The following XXYLT1 variants were observed in gnomAD, a reference collection of about 807,000 sequenced individuals.
The protein encoded by XXYLT1 is UDP-xylose:alpha-xyloside alpha-1,3-xylosyltransferase.
XXYLT1 carries 20 observed loss-of-function variants against 28.9 expected under a neutral mutation model. That is an observed-to-expected ratio of 0.69 (90% CI 0.49 to 1.00). The LOEUF (loss-of-function observed/expected upper bound fraction) is 1.00, where lower values mean the gene tolerates loss of function less well. XXYLT1 is among the 50% of genes least tolerant of loss of function. The pLI, the probability that XXYLT1 is intolerant of heterozygous loss-of-function variation, is 0.00. For synonymous variants in XXYLT1, 257 were observed against 253.8 expected, an observed-to-expected ratio of 1.01 and a Z score of -0.12; for missense variants, 542 against 560.1, an observed-to-expected ratio of 0.97 and a Z score of 0.33.
chr3:195,109,909 G>T lies in XXYLT1; in HGVS notation c.786-39798C>A, dbSNP rs1386709086. Among the ~76,000 whole-genome samples the T allele has an allele frequency of 3.0e-4, 16 of 53,210 alleles. 2 individuals are homozygous for T. The East Asian group carries it at 3.8e-3, about 13-fold the overall frequency. The allele number at this position is 53,210 out of a possible 152,430, so 34.9% of individuals were successfully genotyped here. ...TGTGGGTGAGGTGTGGGTGTGTGTG[G>T]TGTGTGTGGGGGTATATGTGTGTGT... On this transcript the variant is annotated intron_variant, in intron 3 of 3. Transcript: ENST00000310380.
At position 195,069,790 on chromosome 3, in the gene XXYLT1, GA is replaced by G. The variant is rs1714690672; in HGVS notation, c.1106del (p.Phe369SerfsTer65). On this transcript the variant is annotated frameshift_variant, in exon 4 of 4. Coordinates refer to ENST00000310380, the MANE Select transcript of XXYLT1 (RefSeq NM_152531.5). LOFTEE classifies it high-confidence loss of function. ...WWRDHGYSDV[F>X]EAYFRCEGHV... ...GGCCCTCACACCTGAAATAGGCCTC[GA>G]AGACGTCACTGTAGCCATGGTCCCT... 9.9e-6 allele frequency: 16 copies of G among 1,614,048 alleles called. No individual in the cohort carries two copies. Among genetic ancestry groups the G allele is most frequent in the Non-Finnish European group, 1.4e-5 (16 of 1,180,040 alleles).
In XXYLT1 at chr3:195,176,452, C is replaced by A. The variant is rs748582482; in HGVS notation, c.653-19871G>T. ...CTTCTCCCCCATGATCTGAAAAGAACTGGTATGAAATGAGATGAGAAGCAG... is the reference window on the plus strand; with the variant it reads ...CTTCTCCCCCATGATCTGAAAAGAAATGGTATGAAATGAGATGAGAAGCAG... On this transcript the variant is annotated intron_variant, in intron 2 of 3. Coordinates refer to ENST00000310380, the MANE Select transcript of XXYLT1 (RefSeq NM_152531.5). This position sits in a 1 kb window ranked among gnomAD's most constrained non-coding sequence, Gnocchi z 4.9. Among the ~76,000 whole-genome samples, 50 of 152,312 alleles carry A rather than the reference C, an allele frequency of 3.3e-4. No homozygotes were observed. The highest frequency in any genetic ancestry group is 5.7e-4 in the Non-Finnish European group (39 of 68,026).
rs760229779 is a variant in XXYLT1 at position 195,110,715 on chromosome 3, G to GGTGT, written c.786-40608_786-40605dup. On this transcript the variant is annotated intron_variant, in intron 3 of 3. Coordinates refer to ENST00000310380, the MANE Select transcript of XXYLT1 (RefSeq NM_152531.5). Reference sequence around the variant, plus strand: ...ATGTGTGCATGTGTGTGGTGTGTGTGGTGTGTGTGTGTGTGCTGTATGTGT... The same window carrying GGTGT: ...ATGTGTGCATGTGTGTGGTGTGTGTGGTGTGTGTGTGTGTGTGTGCTGTATGTGT... Among the ~76,000 whole-genome samples, 12 of 140,812 alleles carry GGTGT rather than the reference G, an allele frequency of 8.5e-5. 4 individuals carry two copies. Among genetic ancestry groups the GGTGT allele is most frequent in the African/African-American group, 3.4e-4 (12 of 34,968 alleles). The allele number at this position is 140,812 out of a possible 152,430, so 92.4% of individuals were successfully genotyped here. A position where few individuals can be genotyped will look rare whatever the true frequency, so the allele number is the denominator to read the frequency against.
intron 1 of XXYLT1, among the ~76,000 whole-genome samples, chr3:195,269,097 G>A (rs189497032): frequency 5.2e-5 from 8 of 152,384 alleles, no homozygotes; most frequent in African/African-American, 1.9e-4. Context: ...AGCACTGGCT[G>A]TGCAGCTAGC....
Position 195,270,697 on chromosome 3 carries a change from G to A in XXYLT1, c.362C>T (p.Ala121Val), listed in dbSNP as rs376126877. 2 of 1,589,252 alleles carry A rather than the reference G, an allele frequency of 1.3e-6. No homozygotes were observed. Among genetic ancestry groups the A allele is most frequent in the Non-Finnish European group, 1.7e-6 (2 of 1,172,550 alleles). ...NAALQAKARV[A>V]LRSLLRLAKF... ...GGCGAGGCGCAGCAGTGAGCGCAGC[G>A]CGACGCGGGCCTTGGCCTGCAGCGC... The change falls in exon 1 of 4, where the codon GCG (alanine) becomes GTG (valine). Residue 121 changes from alanine to valine, a missense_variant. Coordinates refer to ENST00000310380, the MANE Select transcript of XXYLT1 (RefSeq NM_152531.5).
At chr3:195,179,803 T>A (rs746940244) in intron 2 of XXYLT1, among the ~76,000 whole-genome samples, 1 of 152,072 alleles carries the variant, frequency 6.6e-6, no homozygotes, top group Non-Finnish European at 1.5e-5. Context: ...GCCGTAGAGA[T>A]GTGGGACAAA....
At chr3:195,201,358 C>T (rs1019813392) in intron 2 of XXYLT1, among the ~76,000 whole-genome samples, 1 of 152,182 alleles carries the variant, frequency 6.6e-6, no homozygotes, top group African/African-American at 2.4e-5. Flanking sequence ...ACTTTTAACC[C>T]TTCTGCTTCT....
At chr3:195,224,497 T>C (rs1032813122) in intron 2 of XXYLT1, among the ~76,000 whole-genome samples, 1 of 152,198 alleles carries the variant, frequency 6.6e-6, no homozygotes, top group Non-Finnish European at 1.5e-5. Flanking sequence ...CCCTAACTCT[T>C]GTCATCGGTC....
intron 1 of XXYLT1, among the ~76,000 whole-genome samples, chr3:195,259,009 A>G (rs1335153765): frequency 6.6e-6 from 1 of 152,224 alleles, no homozygotes; most frequent in Non-Finnish European, 1.5e-5. Flanking sequence ...GTCAGTTCCC[A>G]ACACACCTAT....
chr3:195,163,228 G>A (rs1720961150), intron 2 of XXYLT1, among the ~76,000 whole-genome samples: 1 of 152,166 alleles, frequency 6.6e-6, no homozygotes, highest in Non-Finnish European at 1.5e-5. Flanking sequence ...CTGTCACAGT[G>A]CAACTTTTCA....
At chr3:195,137,686 G>A (rs1719271625) in intron 3 of XXYLT1, among the ~76,000 whole-genome samples, 1 of 152,228 alleles carries the variant, frequency 6.6e-6, no homozygotes, top group Non-Finnish European at 1.5e-5. Context: ...ACAGCACCAA[G>A]GAAAGTTATG....
At position 195,231,751 on chromosome 3, in the gene XXYLT1, G is replaced by A. The variant is rs968095587; in HGVS notation, c.505-4895C>T. 1.4e-4 allele frequency among the ~76,000 whole-genome samples: 21 copies of A among 146,132 alleles called. No individual in the cohort carries two copies. In the South Asian group the frequency reaches 4.3e-3, roughly 30 times the overall value. ...TAAATTCCACTTGGTCATGATGAAT[G>A]ATTTTTTTTTTTTTTTAAATGTACT... On this transcript the variant is annotated intron_variant, in intron 1 of 3. Transcript: ENST00000310380.
intron 3 of XXYLT1, among the ~76,000 whole-genome samples, chr3:195,102,458 G>A (rs78471687): frequency 5.5e-4 from 83 of 151,896 alleles, no homozygotes; most frequent in East Asian, 4.1e-3. Flanking sequence ...CCGTGGCCAC[G>A]GTAACCATCA....
chr3:195,225,111 C>T (rs1723992715), intron 2 of XXYLT1, among the ~76,000 whole-genome samples: 1 of 152,222 alleles, frequency 6.6e-6, no homozygotes, highest in Non-Finnish European at 1.5e-5. Flanking sequence ...GGTCTTGCAA[C>T]TCCTCAGCTT....
At position 195,226,795 on chromosome 3, in the gene XXYLT1, T is replaced by C. The variant is rs1724074785; in HGVS notation, c.566A>G (p.Gln189Arg). 4.3e-6 allele frequency: 7 copies of C among 1,613,732 alleles called. No individual in the cohort carries two copies. Among genetic ancestry groups the C allele is most frequent in the South Asian group, 1.1e-5 (1 of 91,046 alleles). The part of the protein sequence containing the change: ...DKLFPIVEAM[Q>R]KHFSAGLGTY... ...TCCCAAGCCAGCACTGAAGTGCTTC[T>C]GCATGGCCTCCACGATGGGGAAGAG... Residue 189 changes from glutamine to arginine, a missense_variant, in exon 2 of 4, where the codon CAG becomes CGG. By Grantham distance (43) the Gln-to-Arg change is conservative. Transcript: ENST00000310380.
chr3:195,118,235 G>A (rs761542060), intron 3 of XXYLT1, among the ~76,000 whole-genome samples: 8 of 152,190 alleles, frequency 5.3e-5, no homozygotes, highest in Admixed American at 2.0e-4. Flanking sequence ...AGATGCAGGC[G>A]AAGACCCCAA....
chr3:195,160,218 C>T (rs1351857055), intron 2 of XXYLT1, among the ~76,000 whole-genome samples: 2 of 152,156 alleles, frequency 1.3e-5, no homozygotes, highest in Non-Finnish European at 2.9e-5. Flanking sequence ...GATCAAGAAA[C>T]GATGCAAAGA....
In XXYLT1 at chr3:195,270,717, C is replaced by A; in HGVS notation, c.342G>T (p.Leu114=). The A allele has an allele frequency of 5.0e-6, 8 of 1,590,520 alleles. No homozygotes were observed. Among genetic ancestry groups the A allele is most frequent in the Non-Finnish European group, 6.8e-6 (8 of 1,172,660 alleles). ...MFTKAEHNAA[L]QAKARVALRS... ...GCAGCGCGACGCGGGCCTTGGCCTG[C>A]AGCGCGGCATTGTGCTCCGCCTTGG... Residue 114 remains leucine (L), a synonymous_variant, in exon 1 of 4, where the codon CTG becomes CTT. Transcript: ENST00000310380.
rs550032080 is a variant in XXYLT1, at chr3:195,230,133, A to G, written c.505-3277T>C. On this transcript the variant is annotated intron_variant, in intron 1 of 3. Coordinates refer to ENST00000310380, the MANE Select transcript of XXYLT1 (RefSeq NM_152531.5). ...TTGATTTGCATTTTTCTGATGATCA[A>G]TGATGTTGAGCACCTTTTCATATAC... is the stretch of plus-strand genomic sequence containing the variant. Among the ~76,000 whole-genome samples, 27 of 152,298 alleles carry G rather than the reference A, an allele frequency of 1.8e-4. 2 individuals carry two copies. In the South Asian group the frequency reaches 5.4e-3, roughly 30 times the overall value.
Sources: allele counts gnomAD v4.1 joint callset (sites outside exome capture counted in the v4.1 genomes callset), GRCh38; gene constraint gnomAD v4.1.1; non-coding constraint Gnocchi (gnomAD v3.1); transcripts MANE v1.5; gene names NCBI Gene and HGNC (gene_info 2026-07-23, HGNC 2026-07-21).